Variants in CHIC2 observed in about 807,000 individuals in gnomAD.
The protein encoded by CHIC2 is cysteine rich hydrophobic domain 2.
A neutral mutation model predicts 25.9 loss-of-function variants in CHIC2; 14 were observed. The ratio of observed to expected loss-of-function variants is 0.54; its 90% CI spans 0.36 to 0.85. CHIC2 has a LOEUF of 0.85. Ranked by LOEUF, CHIC2 falls within the 40% of genes least tolerant of loss-of-function variation. The pLI is 0.01. For missense variants in CHIC2, 146 were observed against 202.0 expected (o/e 0.72, Z 1.68); for synonymous variants, 70 against 72.0 (o/e 0.97, Z 0.14).
At chr4:54,043,765 C>A (rs915396113) in intron 3 of CHIC2, among the ~76,000 whole-genome samples, 1 of 152,162 alleles carries the variant, frequency 6.6e-6, no homozygotes, top group Admixed American at 6.5e-5. Flanking sequence ...AAATAACCAG[C>A]TAACATCATA....
intron 3 of CHIC2, among the ~76,000 whole-genome samples, chr4:54,044,595 C>T (rs1168050716): frequency 6.6e-6 from 1 of 151,898 alleles, no homozygotes; most frequent in Non-Finnish European, 1.5e-5. Context: ...TCCTTTGAAA[C>T]CAATGAGAAC....
At chr4:54,034,363 C>T (rs1227773352) in intron 3 of CHIC2, among the ~76,000 whole-genome samples, 2 of 151,534 alleles carry the variant, frequency 1.3e-5, no homozygotes, top group Non-Finnish European at 2.9e-5. Flanking sequence ...GAGATCACAC[C>T]AATCCAGTTC....
chr4:54,061,441 C>G (rs147676502), intron 1 of CHIC2, among the ~76,000 whole-genome samples: 31 of 152,114 alleles, frequency 2.0e-4, no homozygotes, highest in African/African-American at 7.5e-4. Context: ...CTAGACTGAT[C>G]TAGACTACAG....
chr4:54,087,514 G>A, the CHIC2 span: 1,497 of 1,135,682 alleles, frequency 1.3e-3, 21 homozygotes, highest in Non-Finnish European at 1.6e-4. Flanking sequence ...GCACTCAGCT[G>A]CTCTACAAAT....
chr4:54,020,694 C>T (rs1190774812), intron 3 of CHIC2, among the ~76,000 whole-genome samples: 1 of 152,158 alleles, frequency 6.6e-6, no homozygotes, highest in Non-Finnish European at 1.5e-5. Context: ...TCTCTCGCTA[C>T]CCTTCAATCT....
chr4:54,030,060 A>T (rs1280627192), intron 3 of CHIC2, among the ~76,000 whole-genome samples: 1 of 151,258 alleles, frequency 6.6e-6, no homozygotes, highest in African/African-American at 2.4e-5. Context: ...AATCTCAACT[A>T]AAAAAAAATA....
rs749788224 is a variant in CHIC2, at chr4:54,064,131, G to A, written c.119+51C>T. 2.0e-6 allele frequency: 3 copies of A among 1,509,904 alleles called. No individual in the cohort carries two copies. The highest frequency in any genetic ancestry group is 1.9e-5 in the Admixed American group (1 of 53,140). 93.5% of individuals were successfully genotyped at this position (1,509,904 alleles called of 1,614,324 possible). ...GGAAACGGGGCTCCCGTGGAGTAAC[G>A]GGGCCCACCCCAGCCCGCACCTCCC... On this transcript the variant is annotated intron_variant, in intron 1 of 5. Coordinates refer to ENST00000263921, the MANE Select transcript of CHIC2 (RefSeq NM_012110.4). The surrounding 1 kb of genome is among the most constrained non-coding windows in gnomAD (Gnocchi z 4.2).
chr4:54,065,104 A>T (rs1259539386), upstream of CHIC2, among the ~76,000 whole-genome samples: 1 of 152,234 alleles, frequency 6.6e-6, no homozygotes. Flanking sequence ...TTTTTTCCCA[A>T]TTTGAGGAGT....
chr4:54,062,972 G>GT (rs1717382435), intron 1 of CHIC2, among the ~76,000 whole-genome samples: 1 of 152,252 alleles, frequency 6.6e-6, no homozygotes, highest in Admixed American at 6.5e-5. Context: ...ATTATGCAGT[G>GT]TTTTTACCCT....
At chr4:54,051,602 C>T (rs1381512730) in intron 1 of CHIC2, among the ~76,000 whole-genome samples, 1 of 152,030 alleles carries the variant, frequency 6.6e-6, no homozygotes, top group Non-Finnish European at 1.5e-5. Flanking sequence ...TACCTTCCCT[C>T]CCTTTTATTT....
intron 3 of CHIC2, among the ~76,000 whole-genome samples, chr4:54,017,305 T>A (rs1715766916): frequency 6.6e-6 from 1 of 151,626 alleles, no homozygotes. Flanking sequence ...CAGAAAAAAA[T>A]ATGTATGGGA....
At chr4:54,082,627 A>G in the CHIC2 span, among the ~76,000 whole-genome samples, 1 of 152,204 alleles carries the variant, frequency 6.6e-6, no homozygotes, top group Non-Finnish European at 1.5e-5. Context: ...CTAATCTCAT[A>G]TTCATACCAG....
intron 3 of CHIC2, among the ~76,000 whole-genome samples, chr4:54,020,984 G>C (rs926300543): frequency 2.6e-5 from 4 of 152,058 alleles, no homozygotes; most frequent in African/African-American, 9.7e-5. Flanking sequence ...CTGCAGCCCA[G>C]GGCTGCTCCC....
At chr4:54,032,479 G>A (rs966445551) in intron 3 of CHIC2, among the ~76,000 whole-genome samples, 2 of 152,130 alleles carry the variant, frequency 1.3e-5, no homozygotes. Flanking sequence ...TGTTGGCCGG[G>A]CCGGTCTCCA....
intron 5 of CHIC2, among the ~76,000 whole-genome samples, chr4:54,013,101 A>G (rs1715640190): frequency 6.6e-6 from 1 of 152,102 alleles, no homozygotes; most frequent in Non-Finnish European, 1.5e-5. Context: ...TAAAGTAATA[A>G]CCTGGCCATA....
intron 3 of CHIC2, among the ~76,000 whole-genome samples, chr4:54,016,772 GA>G (rs1200906760): frequency 6.6e-6 from 1 of 151,538 alleles, no homozygotes; most frequent in Non-Finnish European, 1.5e-5. Context: ...AACCAGAAAG[GA>G]ACCCTTGATT....
At chr4:54,037,609 A>G (rs1029027033) in intron 3 of CHIC2, among the ~76,000 whole-genome samples, 2 of 152,196 alleles carry the variant, frequency 1.3e-5, no homozygotes, top group African/African-American at 4.8e-5. Flanking sequence ...TAAAGCTAGT[A>G]AAATATAAAT....
chr4:54,014,253 G>A, intron 3 of CHIC2, 134 bp from the exon 4 acceptor site: 1 of 662,880 alleles, frequency 1.5e-6, no homozygotes, highest in South Asian at 1.9e-5. Flanking sequence ...CACTATCGAT[G>A]TTCTAAGCAC....
At chr4:54,062,796 C>G (rs1271545419) in intron 1 of CHIC2, among the ~76,000 whole-genome samples, 1 of 152,052 alleles carries the variant, frequency 6.6e-6, no homozygotes, top group Admixed American at 6.6e-5. Flanking sequence ...CAAAAAGGTC[C>G]TAAAAGTCAA....
Sources: allele counts gnomAD v4.1 joint callset (sites outside exome capture counted in the v4.1 genomes callset), GRCh38; gene constraint gnomAD v4.1.1; non-coding constraint Gnocchi (gnomAD v3.1); transcripts MANE v1.5; gene names NCBI Gene and HGNC (gene_info 2026-07-23, HGNC 2026-07-21).